The following NRXN3 variants were observed in gnomAD, a reference collection of about 807,000 sequenced individuals.
The protein encoded by NRXN3 is neurexin III.
NRXN3 carries 32 observed loss-of-function variants against 137.6 expected under a neutral mutation model. That is an observed-to-expected ratio of 0.23 (90% CI 0.18 to 0.31). The LOEUF (loss-of-function observed/expected upper bound fraction) is 0.31. Among genes scored for constraint, NRXN3 ranks in the 10% least tolerant of loss-of-function variants. The probability of loss-of-function intolerance (pLI) is 1.00; values close to 1 mark genes in which losing one functional copy is unlikely to be tolerated. For synonymous variants in NRXN3, 798 were observed against 784.5 expected (o/e 1.02, Z -0.29); for missense variants, 1,574 against 2,062.5 (o/e 0.76, Z 4.59).
chr14:79,672,390 C>T (rs2098613363), intron 17 of NRXN3, among the ~76,000 whole-genome samples: 1 of 151,934 alleles, frequency 6.6e-6, no homozygotes, highest in South Asian at 2.1e-4. Flanking sequence ...TCTTGATTTC[C>T]AACCATAATG....
rs76436658 is a variant in NRXN3, at chr14:79,417,995, G to A, written c.3263-49226G>A. The stretch of plus-strand genomic sequence containing the variant: ...AAAAAGAAGAAGAAAAAAGATAAAA[G>A]GGAACCAAACAAAACAGGTTTACAA... On this transcript the variant is annotated intron_variant, in intron 15 of 20. Transcript: ENST00000335750. 4.9e-3 allele frequency among the ~76,000 whole-genome samples: 748 copies of A among 151,690 alleles called. 9 individuals are homozygous for A. Among genetic ancestry groups the A allele is most frequent in the African/African-American group, 0.016 (668 of 41,436 alleles).
chr14:79,444,418 C>T (rs945050815), intron 15 of NRXN3, among the ~76,000 whole-genome samples: 11 of 152,190 alleles, frequency 7.2e-5, no homozygotes, highest in African/African-American at 1.7e-4. Flanking sequence ...GGATTTGTCG[C>T]GCTCCCCTTG....
intron 15 of NRXN3, among the ~76,000 whole-genome samples, chr14:79,030,238 C>T (rs897587785): frequency 5.9e-5 from 9 of 151,732 alleles, no homozygotes; most frequent in African/African-American, 1.7e-4. Context: ...CAGTAGTAGC[C>T]CCCCCAACAT....
intron 5 of NRXN3, among the ~76,000 whole-genome samples, chr14:78,648,487 C>G (rs2097708314): frequency 6.6e-6 from 1 of 152,096 alleles, no homozygotes. Flanking sequence ...GCCAAGTAAA[C>G]AAATTAATGA....
At chr14:79,600,531 T>G (rs1010135904) in intron 16 of NRXN3, among the ~76,000 whole-genome samples, 4 of 152,170 alleles carry the variant, frequency 2.6e-5, no homozygotes, top group African/African-American at 7.2e-5. Context: ...GCAGGGACAC[T>G]GTCCTGGTTA....
intron 15 of NRXN3, among the ~76,000 whole-genome samples, chr14:78,995,774 G>A (rs938735982): frequency 2.6e-5 from 4 of 152,132 alleles, no homozygotes; most frequent in African/African-American, 9.7e-5. Flanking sequence ...GAAACAAGAT[G>A]GTAACAGTGT....
At chr14:79,700,884 A>G (rs1371634500) in intron 19 of NRXN3, among the ~76,000 whole-genome samples, 1 of 152,040 alleles carries the variant, frequency 6.6e-6, no homozygotes, top group Non-Finnish European at 1.5e-5. Context: ...CTACATTGAG[A>G]AGGATAGCTC....
At chr14:79,409,038 A>G (rs2095366021) in intron 15 of NRXN3, among the ~76,000 whole-genome samples, 1 of 152,120 alleles carries the variant, frequency 6.6e-6, no homozygotes, top group Non-Finnish European at 1.5e-5. Context: ...CAACCAAGTA[A>G]TTAGATCATA....
intron 15 of NRXN3, among the ~76,000 whole-genome samples, chr14:79,404,359 A>C (rs931182153): frequency 2.0e-5 from 3 of 152,166 alleles, no homozygotes; most frequent in Non-Finnish European, 4.4e-5. Context: ...GCTATACCAA[A>C]GACTCTTTGG....
At chr14:79,568,647 T>C (rs767850961) in intron 16 of NRXN3, among the ~76,000 whole-genome samples, 4 of 152,210 alleles carry the variant, frequency 2.6e-5, no homozygotes, top group Non-Finnish European at 5.9e-5. Flanking sequence ...CTTTTATTAA[T>C]GGACCAAAGT....
At chr14:79,029,593 TTGAC>T (rs1268544473) in intron 15 of NRXN3, among the ~76,000 whole-genome samples, 1 of 152,162 alleles carries the variant, frequency 6.6e-6, no homozygotes, top group Non-Finnish European at 1.5e-5. Context: ...ATGACATTTT[TTGAC>T]TGGTTAATTC....
intron 15 of NRXN3, among the ~76,000 whole-genome samples, chr14:79,390,007 A>G (rs2094787436): frequency 6.6e-6 from 1 of 152,224 alleles, no homozygotes. Context: ...TTGCAGATAC[A>G]GGTAATTTAA....
At chr14:78,456,799 C>CCCTTTCTTTCTT (rs1555539841) in intron 4 of NRXN3, among the ~76,000 whole-genome samples, 3 of 97,620 alleles carry the variant, frequency 3.1e-5, no homozygotes, top group African/African-American at 7.0e-5. Flanking sequence ...CTCTCTTTCT[C>CCCTTTCTTTCTT]TCTTTCTTTC....
At chr14:78,961,806 C>T (rs536562126) in intron 11 of NRXN3, among the ~76,000 whole-genome samples, 47 of 152,266 alleles carry the variant, frequency 3.1e-4, no homozygotes, top group South Asian at 8.3e-4. Flanking sequence ...GAATAGGAAG[C>T]TACAGCTTGA....
intron 15 of NRXN3, among the ~76,000 whole-genome samples, chr14:79,390,968 C>T (rs998458982): frequency 2.0e-5 from 3 of 152,112 alleles, no homozygotes; most frequent in Non-Finnish European, 4.4e-5. Flanking sequence ...CTCTCTTGCC[C>T]TTTGCCTTTG....
chr14:78,803,523 C>G, intron 8 of NRXN3, 97 bp from the exon 9 acceptor site: 2 of 1,089,650 alleles, frequency 1.8e-6, no homozygotes, highest in Non-Finnish European at 2.8e-6. Context: ...GGCTACAAAT[C>G]TGGCACCCTC....
intron 1 of NRXN3, among the ~76,000 whole-genome samples, chr14:78,171,758 C>G (rs1271128172): frequency 6.6e-6 from 1 of 151,530 alleles, no homozygotes; most frequent in Admixed American, 6.6e-5. Flanking sequence ...TAAAATTTTC[C>G]CTTCCTCCAT....
intron 16 of NRXN3, among the ~76,000 whole-genome samples, chr14:79,602,561 G>A (rs2097938953): frequency 6.6e-6 from 1 of 152,152 alleles, no homozygotes; most frequent in Non-Finnish European, 1.5e-5. Flanking sequence ...TGCTGGAGGG[G>A]TTTGGCCAGT....
chr14:79,724,728 G>C (rs2098871342), intron 19 of NRXN3, among the ~76,000 whole-genome samples: 1 of 152,124 alleles, frequency 6.6e-6, no homozygotes, highest in Non-Finnish European at 1.5e-5. Context: ...ATATGGTAGA[G>C]TTCAGCTACA....
Sources: allele counts gnomAD v4.1 joint callset (sites outside exome capture counted in the v4.1 genomes callset), GRCh38; gene constraint gnomAD v4.1.1; transcripts MANE v1.5; gene names NCBI Gene and HGNC (gene_info 2026-07-23, HGNC 2026-07-21).